Variants in N4BP2L2 observed in about 807,000 individuals in gnomAD.
The protein encoded by N4BP2L2 is NEDD4-binding protein 2-like 2.
A neutral mutation model predicts 56.2 loss-of-function variants in N4BP2L2; 50 were observed. That is an observed-to-expected ratio of 0.89 (90% CI 0.71 to 1.13). The LOEUF (loss-of-function observed/expected upper bound fraction) is 1.13, where lower values mean the gene tolerates loss of function less well. Among genes scored for constraint, N4BP2L2 ranks in the 50% most tolerant of loss-of-function variants. The pLI is 0.00. For synonymous variants in N4BP2L2, 203 were observed against 223.6 expected, an observed-to-expected ratio of 0.91 and a Z score of 0.82; for missense variants, 689 against 693.8, an observed-to-expected ratio of 0.99 and a Z score of 0.08.
chr13:32,451,541 T>A (rs2078016514), intron 6 of N4BP2L2, among the ~76,000 whole-genome samples: 1 of 152,062 alleles, frequency 6.6e-6, no homozygotes, highest in South Asian at 2.1e-4. Flanking sequence ...ATATAAGTTA[T>A]TTAATTAATT....
chr13:32,497,820 G>A (rs2089096053), intron 6 of N4BP2L2, among the ~76,000 whole-genome samples: 1 of 152,134 alleles, frequency 6.6e-6, no homozygotes, highest in South Asian at 2.1e-4. Flanking sequence ...TTGATACAAT[G>A]TCCACAGATG....
intron 6 of N4BP2L2, among the ~76,000 whole-genome samples, chr13:32,448,199 G>T (rs563806111): frequency 6.6e-6 from 1 of 152,252 alleles, no homozygotes; most frequent in South Asian, 2.1e-4. Flanking sequence ...GGAAATAAGA[G>T]ACTTGGTAGT....
chr13:32,476,369 A>C (rs370169548), intron 6 of N4BP2L2, among the ~76,000 whole-genome samples: 1 of 152,220 alleles, frequency 6.6e-6, no homozygotes, highest in South Asian at 2.1e-4. Flanking sequence ...ACAGAAACTT[A>C]TCTCTACCCT....
chr13:32,491,619 T>TAATA (rs1417788328), intron 6 of N4BP2L2, among the ~76,000 whole-genome samples: 3 of 138,410 alleles, frequency 2.2e-5, no homozygotes, highest in African/African-American at 5.4e-5. Flanking sequence ...TATATGTATA[T>TAATA]TATATATATA....
chr13:32,512,100 A>T (rs1323104249), exon 6 of N4BP2L2: 1 of 152,180 alleles, frequency 6.6e-6, no homozygotes, highest in Admixed American at 6.5e-5. Context: ...AAAATAATCC[A>T]AATAATAAAG....
At chr13:32,442,475 T>A (rs199935779) in exon 7 of N4BP2L2, 2 of 1,613,542 alleles carry the variant, frequency 1.2e-6, no homozygotes, top group South Asian at 1.1e-5. Context: ...CGGTAGTCAG[T>A]GCTTGTTAAG....
intron 2 of N4BP2L2, among the ~76,000 whole-genome samples, chr13:32,535,362 A>G (rs1023511691): frequency 6.6e-6 from 1 of 152,256 alleles, no homozygotes; most frequent in African/African-American, 2.4e-5. Flanking sequence ...CATCACTGCC[A>G]TAATTATACG....
chr13:32,479,223 G>A (rs894633902), intron 6 of N4BP2L2, among the ~76,000 whole-genome samples: 4 of 151,966 alleles, frequency 2.6e-5, no homozygotes, highest in African/African-American at 9.7e-5. Flanking sequence ...AATATGTGAA[G>A]GAAATCTAGT....
At chr13:32,451,254 C>T (rs538220957) in intron 6 of N4BP2L2, among the ~76,000 whole-genome samples, 20 of 151,578 alleles carry the variant, frequency 1.3e-4, no homozygotes, top group African/African-American at 4.6e-4. Context: ...GGCAACATAG[C>T]AAGATTCTGT....
exon 1 of N4BP2L2, chr13:32,538,733 AG>A (rs1566204776): frequency 9.1e-6 from 9 of 985,378 alleles, no homozygotes; most frequent in Non-Finnish European, 9.6e-6. Context: ...CGAGGTCTGG[AG>A]GGACTAAAAG....
At chr13:32,527,280 G>T (rs1393879061) in intron 3 of N4BP2L2, 128 bp downstream of exon 3, 1 of 915,028 alleles carries the variant, frequency 1.1e-6, no homozygotes, top group Non-Finnish European at 1.6e-6. Flanking sequence ...GAGAAATTAG[G>T]TCTCAAAGCT....
exon 6 of N4BP2L2, chr13:32,514,127 TA>T (rs2048697555): frequency 6.6e-6 from 1 of 151,968 alleles, no homozygotes. Context: ...CTCCAACAAT[TA>T]AAAAAATTCA....
At chr13:32,510,568 G>T (rs978062956) in exon 6 of N4BP2L2, 18 of 139,570 alleles carry the variant, frequency 1.3e-4, no homozygotes, top group Non-Finnish European at 2.1e-4. Flanking sequence ...GCACCATCTT[G>T]GCTCACTGCA....
chr13:32,452,057 CTTTTTCTTTTTT>C (rs1555243550), intron 6 of N4BP2L2, among the ~76,000 whole-genome samples: 3 of 149,024 alleles, frequency 2.0e-5, no homozygotes, highest in South Asian at 2.1e-4. Flanking sequence ...TTTTCTTTTT[CTTTTTCTTTTTT>C]TTTTTTTTTG....
chr13:32,453,132 G>A (rs1229996428), intron 6 of N4BP2L2, among the ~76,000 whole-genome samples: 2 of 152,018 alleles, frequency 1.3e-5, no homozygotes, highest in African/African-American at 4.8e-5. Flanking sequence ...GGTGGTGGGC[G>A]CCTGTAGTCC....
chr13:32,487,234 G>A (rs2086080037), intron 6 of N4BP2L2, among the ~76,000 whole-genome samples: 1 of 152,084 alleles, frequency 6.6e-6, no homozygotes, highest in African/African-American at 2.4e-5. Context: ...AGCTACTCTG[G>A]ATGCTGAGGC....
At chr13:32,436,313 T>C (rs2075467135) in intron 9 of N4BP2L2, 1 of 877,776 alleles carries the variant, frequency 1.1e-6, no homozygotes, top group Non-Finnish European at 1.7e-6. Context: ...ATGTCAAGAT[T>C]AACTATTTTA....
At chr13:32,497,052 A>G (rs2088848009) in intron 6 of N4BP2L2, among the ~76,000 whole-genome samples, 3 of 152,200 alleles carry the variant, frequency 2.0e-5, no homozygotes, top group African/African-American at 7.2e-5. Flanking sequence ...CCTGCTTCTC[A>G]AAGAAAACAA....
intron 6 of N4BP2L2, among the ~76,000 whole-genome samples, chr13:32,486,826 T>A (rs1156601001): frequency 6.6e-6 from 1 of 151,936 alleles, no homozygotes; most frequent in African/African-American, 2.4e-5. Context: ...GGTGAAACCA[T>A]GTCTCCACTA....
Sources: gnomAD v4.1 joint callset for allele counts (sites outside exome capture counted in the v4.1 genomes callset) on GRCh38, gnomAD v4.1.1 for gene constraint, MANE v1.5 for transcripts, NCBI Gene and HGNC (gene_info 2026-07-23, HGNC 2026-07-21) for gene names.